PARD3: variants seen among roughly 807,000 people sequenced by gnomAD.
PARD3 encodes par-3 family cell polarity regulator.
A neutral mutation model predicts 155.4 loss-of-function variants in PARD3; 75 were observed. The observed-to-expected ratio is 0.48, with a 90% confidence interval of 0.40 to 0.58. PARD3 has a LOEUF of 0.58. PARD3 is among the 20% of genes least tolerant of loss of function. The probability of loss-of-function intolerance (pLI) is 0.00; values close to 1 mark genes in which losing one functional copy is unlikely to be tolerated. For synonymous variants in PARD3, 576 were observed against 610.5 expected (o/e 0.94, Z 0.83); for missense variants, 1,642 against 1,721.7 (o/e 0.95, Z 0.82).
chr10:34,611,841 G>C (rs1488855560), intron 2 of PARD3, among the ~76,000 whole-genome samples: 2 of 111,348 alleles, frequency 1.8e-5, no homozygotes, highest in Non-Finnish European at 3.4e-5. Context: ...GCGGAGTCTT[G>C]CTCTGTCGCC....
chr10:34,635,206 G>A (rs2092424396), intron 2 of PARD3, among the ~76,000 whole-genome samples: 1 of 152,246 alleles, frequency 6.6e-6, no homozygotes, highest in African/African-American at 2.4e-5. Flanking sequence ...TTCTCCCCAT[G>A]GGTGCTCTCA....
At chr10:34,771,722 C>T (rs1838890406) in intron 1 of PARD3, among the ~76,000 whole-genome samples, 1 of 152,204 alleles carries the variant, frequency 6.6e-6, no homozygotes, top group Admixed American at 6.5e-5. Flanking sequence ...GACAAAGACA[C>T]ACACATGTTC....
chr10:34,216,018 A>T (rs1951986828), intron 22 of PARD3, among the ~76,000 whole-genome samples: 1 of 152,226 alleles, frequency 6.6e-6, no homozygotes. Flanking sequence ...GGGTATTAGA[A>T]ATACAAAGAG....
At position 34,768,354 on chromosome 10, in the gene PARD3, T is replaced by TAACTCGAAGCAAAGGCGAGAC. The variant is rs1564599313; in HGVS notation, c.120+46521_120+46522insGTCTCGCCTTTGCTTCGAGTT. Among the ~76,000 whole-genome samples, 10 of 129,540 alleles carry TAACTCGAAGCAAAGGCGAGAC rather than the reference T, an allele frequency of 7.7e-5. No homozygotes were observed. In the East Asian group the frequency reaches 2.1e-3, roughly 28 times the overall value. The allele number at this position is 129,540 out of a possible 152,430, so 85.0% of individuals were successfully genotyped here. A position where few individuals can be genotyped will look rare whatever the true frequency, so the allele number is the denominator to read the frequency against. On this transcript the variant is annotated intron_variant, in intron 1 of 24. Coordinates refer to ENST00000374788, the MANE Select transcript of PARD3 (RefSeq NM_001184785.2). ...ATTGGTTCCATCTGGAAAGGCGGGA[T>TAACTCGAAGCAAAGGCGAGAC]AACTCGAAGCAAAGGCGGGACAACT... is the stretch of plus-strand genomic sequence containing the variant.
chr10:34,128,936 G>A (rs917710988), intron 23 of PARD3, among the ~76,000 whole-genome samples: 1 of 152,002 alleles, frequency 6.6e-6, no homozygotes, highest in African/African-American at 2.4e-5. Context: ...GTCAATGCAG[G>A]GACCAAGAAT....
In PARD3 at chr10:34,440,671, T is replaced by A. The variant is rs141684616; in HGVS notation, c.714+9646A>T. The stretch of plus-strand genomic sequence containing the variant: ...ACTTACTTCCCCGCTGCTTGCAGGC[T>A]TTTAGCTCCATAGGCCAAAGAAGCA... On this transcript the variant is annotated intron_variant, in intron 5 of 24. Transcript: ENST00000374788. Among the ~76,000 whole-genome samples the A allele has an allele frequency of 4.5e-3, 689 of 152,232 alleles. 3 individuals are homozygous for A. The highest frequency in any genetic ancestry group is 7.1e-3 in the Admixed American group (108 of 15,296).
chr10:34,222,716 G>C (rs1419075905), intron 22 of PARD3, among the ~76,000 whole-genome samples: 2 of 152,198 alleles, frequency 1.3e-5, no homozygotes, highest in African/African-American at 2.4e-5. Flanking sequence ...CCTTCAAAGG[G>C]AGCTTTCCTG....
intron 1 of PARD3, among the ~76,000 whole-genome samples, chr10:34,746,721 T>C (rs181543046): frequency 3.9e-5 from 6 of 152,358 alleles, no homozygotes; most frequent in African/African-American, 1.4e-4. Context: ...ATTTCCTTTC[T>C]GTGTTAAGTT....
Position 34,751,112 on chromosome 10 carries a change from T to C in PARD3, c.121-54693A>G, listed in dbSNP as rs149466271. Among the ~76,000 whole-genome samples, 475 of 152,316 alleles carry C rather than the reference T, an allele frequency of 3.1e-3. 1 individual carries two copies. Among genetic ancestry groups the C allele is most frequent in the Non-Finnish European group, 4.4e-3 (300 of 68,038 alleles). ...TCACACCCGTCACTTCCACACACTG[T>C]TGATGTGTCTCAGGGAAGCTGCTTA... is the stretch of plus-strand genomic sequence containing the variant. On this transcript the variant is annotated intron_variant, in intron 1 of 24. Coordinates refer to ENST00000374788, the MANE Select transcript of PARD3 (RefSeq NM_001184785.2).
intron 2 of PARD3, among the ~76,000 whole-genome samples, chr10:34,553,221 G>C (rs1270819269): frequency 1.3e-5 from 2 of 152,174 alleles, no homozygotes; most frequent in Non-Finnish European, 2.9e-5. Context: ...CCTGAGTGCT[G>C]TGGTGGTTGC....
At chr10:34,567,582 G>A (rs2086060643) in intron 2 of PARD3, among the ~76,000 whole-genome samples, 2 of 152,098 alleles carry the variant, frequency 1.3e-5, no homozygotes, top group Non-Finnish European at 2.9e-5. Flanking sequence ...AACCACTCAC[G>A]GGTTAAATTC....
intron 22 of PARD3, among the ~76,000 whole-genome samples, chr10:34,151,347 T>C (rs991557653): frequency 2.6e-5 from 4 of 152,202 alleles, no homozygotes; most frequent in Admixed American, 6.5e-5. Flanking sequence ...AGTCAGGATT[T>C]GTTATCAATA....
rs1428390308 is a variant in PARD3 at position 34,384,251 on chromosome 10, G to A, written c.894C>T (p.Thr298=). The change falls in exon 8 of 25, where the codon ACC becomes ACT. Residue 298 remains threonine, a synonymous_variant. Transcript: ENST00000374788. ...VVPFSARGGR[T]LGLLVKRLEK... ...CCAATCGTTTTACTAATAACCCCAG[G>A]GTTCTGGAACATTAAGAATGCAAAT... 8 of 1,612,746 alleles carry A rather than the reference G, an allele frequency of 5.0e-6. No homozygotes were observed. The highest frequency in any genetic ancestry group is 4.0e-5 in the African/African-American group (3 of 74,814).
At chr10:34,291,998 G>A (rs1180359131) in intron 20 of PARD3, among the ~76,000 whole-genome samples, 1 of 152,200 alleles carries the variant, frequency 6.6e-6, no homozygotes, top group Non-Finnish European at 1.5e-5. Flanking sequence ...GTCAGGAACT[G>A]CTCCTAATCA....
chr10:34,359,821 C>T (rs938700325), intron 13 of PARD3, among the ~76,000 whole-genome samples: 1 of 152,146 alleles, frequency 6.6e-6, no homozygotes, highest in African/African-American at 2.4e-5. Flanking sequence ...CAAGTCTTTG[C>T]ATTGATTAAC....
In PARD3 at chr10:34,471,966, G is replaced by A. The variant is rs530066836; in HGVS notation, c.404-1703C>T. 5.3e-5 allele frequency among the ~76,000 whole-genome samples: 8 copies of A among 152,242 alleles called. No individual in the cohort carries two copies. In the East Asian group the frequency reaches 1.5e-3, roughly 29 times the overall value. On this transcript the variant is annotated intron_variant, in intron 3 of 24. Transcript: ENST00000374788. ...AATGGTAAAGATATGGAAACCTTGA[G>A]GATACCAAACAGGCTATTTATATAC...
chr10:34,515,321 TTGCATATG>T (rs1234538076), intron 3 of PARD3, among the ~76,000 whole-genome samples: 1 of 152,266 alleles, frequency 6.6e-6, no homozygotes, highest in East Asian at 1.9e-4. Context: ...AATTAGTTTC[TTGCATATG>T]TGCATAAATA....
chr10:34,760,551 A>G (rs1432048830), intron 1 of PARD3, among the ~76,000 whole-genome samples: 1 of 152,156 alleles, frequency 6.6e-6, no homozygotes, highest in Non-Finnish European at 1.5e-5. Context: ...CAGGCTTTCT[A>G]GAACTCCTGA....
chr10:34,401,982 A>T, intron 5 of PARD3, 65 bp from the exon 6 acceptor site: 1 of 1,260,138 alleles, frequency 7.9e-7, no homozygotes, highest in South Asian at 1.2e-5. Flanking sequence ...ATGTGAAAGG[A>T]AACTGGATAA....
Sources: allele counts gnomAD v4.1 joint callset (sites outside exome capture counted in the v4.1 genomes callset), GRCh38; gene constraint gnomAD v4.1.1; transcripts MANE v1.5; gene names NCBI Gene and HGNC (gene_info 2026-07-23, HGNC 2026-07-21).